Variants in ZNF75D observed in about 807,000 individuals in gnomAD.
ZNF75D encodes the protein zinc finger protein 75D.
Under a neutral mutation model 33.3 loss-of-function variants are expected in ZNF75D, and 33 were observed. The ratio of observed to expected loss-of-function variants is 0.99; its 90% CI spans 0.75 to 1.32. ZNF75D has a LOEUF of 1.32. Ranked by LOEUF, ZNF75D falls within the 40% of genes most tolerant of loss-of-function variation. The pLI is 0.00. For synonymous variants in ZNF75D, 113 were observed against 130.6 expected, an observed-to-expected ratio of 0.87 and a Z score of 0.92; for missense variants, 338 against 367.5, an observed-to-expected ratio of 0.92 and a Z score of 0.66.
intron 1 of ZNF75D, among the ~76,000 whole-genome samples, chrX:135,268,925 G>A (rs782298850): frequency 9.0e-6 from 1 of 110,875 alleles, no homozygotes; most frequent in East Asian, 2.8e-4. Flanking sequence ...ACAGAACAGG[G>A]AACACAGAAG....
At chrX:135,269,710 T>C (rs1250552785) in intron 1 of ZNF75D, among the ~76,000 whole-genome samples, 17 of 111,389 alleles carry the variant, frequency 1.5e-4, no homozygotes, top group African/African-American at 5.6e-4. Context: ...ATACTAAAAA[T>C]AGAGCTACCA....
At chrX:135,295,348 T>G (rs1204504035) in intron 2 of ZNF75D, among the ~76,000 whole-genome samples, 2 of 111,963 alleles carry the variant, frequency 1.8e-5, no homozygotes, top group African/African-American at 6.5e-5. Context: ...ATCAGGAAGT[T>G]TCGCTGAGTG....
At chrX:135,295,206 G>T (rs1207110783) in intron 2 of ZNF75D, among the ~76,000 whole-genome samples, 2 of 111,937 alleles carry the variant, frequency 1.8e-5, no homozygotes, top group African/African-American at 6.5e-5. Context: ...TCAAAAAAAT[G>T]GTTGGCTCCT....
intron 1 of ZNF75D, among the ~76,000 whole-genome samples, chrX:135,278,328 C>T (rs1466905995): frequency 1.8e-5 from 2 of 111,996 alleles, no homozygotes; most frequent in Non-Finnish European, 3.8e-5. Flanking sequence ...GATTTTTGCA[C>T]ATTGATTTTG....
intron 1 of ZNF75D, among the ~76,000 whole-genome samples, chrX:135,323,989 GCACACA>G (rs34146473): frequency 0.013 from 1,230 of 97,548 alleles, 3 homozygotes; most frequent in Non-Finnish European, 0.016. Flanking sequence ...ACTTGTTGCA[GCACACA>G]CACACACACA....
chrX:135,305,402 C>G (rs2148479551), intron 1 of ZNF75D, among the ~76,000 whole-genome samples: 1 of 111,949 alleles, frequency 8.9e-6, no homozygotes, highest in African/African-American at 3.2e-5. Context: ...ACTTGAATGT[C>G]TGGCTAGAAG....
intron 5 of ZNF75D, 106 bp from the exon 6 acceptor site, chrX:135,291,241 A>AC: frequency 9.8e-7 from 1 of 1,018,356 alleles, no homozygotes; most frequent in Non-Finnish European, 1.4e-6. Flanking sequence ...TGTGAACAGT[A>AC]CAAGATTTAG....
downstream of ZNF75D, among the ~76,000 whole-genome samples, chrX:135,284,739 C>A (rs1332396796): frequency 2.7e-5 from 3 of 111,488 alleles, no homozygotes; most frequent in African/African-American, 6.5e-5. Flanking sequence ...TGAGGACCTG[C>A]ACGATAAGCT....
At position 135,324,426 on chromosome X, in the gene ZNF75D, TTAA is replaced by T. The variant is rs1257249135; in HGVS notation, c.-391+17339_-391+17341del. Reference sequence around the variant, plus strand: ...TTATTATGTGTGGATACCTGTTAAATTAATAATAAATGCTGCAACAATTATGTG... The same window carrying T: ...TTATTATGTGTGGATACCTGTTAAATTAATAAATGCTGCAACAATTATGTG... On this transcript the variant is annotated intron_variant, in intron 1 of 6. Coordinates refer to ENST00000370766, the MANE Select transcript of ZNF75D (RefSeq NM_007131.5). 4.4e-5 allele frequency among the ~76,000 whole-genome samples: 5 copies of T among 112,793 alleles called. No individual in the cohort carries two copies. The East Asian group carries it at 1.1e-3, about 25-fold the overall frequency.
chrX:135,287,343 G>C lies in ZNF75D; in HGVS notation c.1327C>G (p.His443Asp), dbSNP rs781996329. 1 of 1,211,828 alleles carries C rather than the reference G, an allele frequency of 8.3e-7. No homozygotes were observed. The highest frequency in any genetic ancestry group is 2.2e-5 in the Admixed American group (1 of 46,022). The change falls in exon 7 of 7, where the codon CAC becomes GAC. Residue 443 changes from histidine to aspartate, a missense_variant. Physicochemically the swap from His to Asp is moderately conservative, Grantham distance 81. Around this residue, in one of 3 missense-constraint regions of ZNF75D, gnomAD observed 79 missense variants for 80.1 expected, o/e 0.99. Transcript: ENST00000370766. ...NTNLHTHQRI[H>D]TGEKPFKCDE... ...CATTTAAAGGGCTTCTCTCCTGTGT[G>C]AATTCTTTGGTGTGTGTGTAGATTT...
intron 1 of ZNF75D, among the ~76,000 whole-genome samples, chrX:135,273,918 G>A (rs1179913866): frequency 8.9e-6 from 1 of 111,934 alleles, no homozygotes; most frequent in Non-Finnish European, 1.9e-5. Context: ...AGTATGTGAT[G>A]TTCTCCTTTG....
At chrX:135,323,997 ACACACACACACACACACACACACACACG>A (rs2084529594) in intron 1 of ZNF75D, among the ~76,000 whole-genome samples, 1 of 109,040 alleles carries the variant, frequency 9.2e-6, no homozygotes, top group Non-Finnish European at 1.9e-5. Context: ...CAGCACACAC[ACACACACACACACACACACACACACACG>A]CACACCCAAA....
At chrX:135,335,958 C>A (rs997050332) in intron 1 of ZNF75D, among the ~76,000 whole-genome samples, 2 of 112,028 alleles carry the variant, frequency 1.8e-5, no homozygotes, top group Non-Finnish European at 1.9e-5. Flanking sequence ...CACCTAAACT[C>A]GCATCATTAA....
chrX:135,280,856 C>T (rs1004185618), downstream of ZNF75D, among the ~76,000 whole-genome samples: 10 of 112,186 alleles, frequency 8.9e-5, no homozygotes, highest in Non-Finnish European at 1.3e-4. Flanking sequence ...CCAAGAGATC[C>T]GCTGTTAGTC....
At chrX:135,260,473 C>T (rs1341211097) in intron 1 of ZNF75D, among the ~76,000 whole-genome samples, 1 of 111,413 alleles carries the variant, frequency 9.0e-6, no homozygotes, top group South Asian at 3.8e-4. Context: ...AATTTCAGAG[C>T]CTGTTATTGG....
chrX:135,324,378 C>T (rs1556436432), intron 1 of ZNF75D, among the ~76,000 whole-genome samples: 1 of 111,899 alleles, frequency 8.9e-6, no homozygotes, highest in Non-Finnish European at 1.9e-5. Context: ...AGTTGATTTC[C>T]AAAGTAATGG....
chrX:135,280,362 A>G (rs2083915653), intron 1 of ZNF75D, among the ~76,000 whole-genome samples: 1 of 111,284 alleles, frequency 9.0e-6, no homozygotes, highest in Non-Finnish European at 1.9e-5. Context: ...CCATCCCTTT[A>G]TCTTGAGCCT....
chrX:135,338,160 A>G (rs918771535), intron 1 of ZNF75D, among the ~76,000 whole-genome samples: 25 of 110,955 alleles, frequency 2.3e-4, no homozygotes, highest in African/African-American at 6.9e-4. Context: ...GGAAAGGTGC[A>G]CTCAACAGAC....
intron 1 of ZNF75D, among the ~76,000 whole-genome samples, chrX:135,314,345 C>T (rs1029934371): frequency 8.0e-5 from 9 of 111,980 alleles, no homozygotes; most frequent in African/African-American, 2.9e-4. Flanking sequence ...ATAACTCCCA[C>T]TTGATCATGG....
Sources: allele counts gnomAD v4.1 joint callset (sites outside exome capture counted in the v4.1 genomes callset), GRCh38; gene constraint gnomAD v4.1.1; regional missense constraint gnomAD v4.1.1; transcripts MANE v1.5; gene names NCBI Gene and HGNC (gene_info 2026-07-23, HGNC 2026-07-21).